Variants in PREX1 observed in about 807,000 individuals in gnomAD.
PREX1 encodes the protein phosphatidylinositol 3,4,5-trisphosphate-dependent Rac exchanger 1 protein.
A neutral mutation model predicts 198.3 loss-of-function variants in PREX1; 41 were observed. That is an observed-to-expected ratio of 0.21 (90% CI 0.16 to 0.27). The LOEUF is 0.27. PREX1 is among the 10% of genes least tolerant of loss of function. PREX1 has a pLI of 1.00. For synonymous variants in PREX1, 843 were observed against 887.2 expected, an observed-to-expected ratio of 0.95 and a Z score of 0.89; for missense variants, 1,620 against 2,200.7, an observed-to-expected ratio of 0.74 and a Z score of 5.28.
intron 13 of PREX1, among the ~76,000 whole-genome samples, chr20:48,678,360 A>G (rs2089723606): frequency 6.6e-6 from 1 of 151,934 alleles, no homozygotes; most frequent in Admixed American, 6.6e-5. Context: ...AGTCCCAGCT[A>G]CCTAGGAGGC....
chr20:48,743,901 C>T lies in PREX1; in HGVS notation c.414+1124G>A, dbSNP rs370730918. On this transcript the variant is annotated intron_variant, in intron 3 of 39. Transcript: ENST00000371941. ...CACGCCTGATCGCACATGAGACTTG[C>T]CCCCCATTGCCCTCTGAGGGCAAAG... is the stretch of plus-strand genomic sequence containing the variant. Among the ~76,000 whole-genome samples the T allele has an allele frequency of 3.9e-5, 6 of 152,136 alleles. No individual in the cohort carries two copies. In the South Asian group the frequency reaches 1.2e-3, roughly 31 times the overall value.
At chr20:48,746,534 G>A (rs2090108138) in intron 2 of PREX1, among the ~76,000 whole-genome samples, 1 of 152,268 alleles carries the variant, frequency 6.6e-6, no homozygotes, top group South Asian at 2.1e-4. Flanking sequence ...TCACTTTAAT[G>A]TAAATTTCAA....
chr20:48,733,690 C>CTGTTGTTGTTGTTGT (rs1182087284), intron 4 of PREX1, among the ~76,000 whole-genome samples: 1 of 71,020 alleles, frequency 1.4e-5, no homozygotes, highest in Non-Finnish European at 3.0e-5. Flanking sequence ...GTAAATCCCT[C>CTGTTGTTGTTGTTGT]TGTTGTTGTT....
chr20:48,645,889 G>A lies in PREX1; in HGVS notation c.3474C>T (p.Asp1158=), dbSNP rs138869885. 619 of 1,614,202 alleles carry A rather than the reference G, an allele frequency of 3.8e-4. 1 individual carries two copies. The highest frequency in any genetic ancestry group is 3.5e-3 in the Middle Eastern group (21 of 6,062). ...CFKVAEEDQE[D]SGHDTMSYRD... is the part of the protein sequence containing the mutation. ...GATAACTCATGGTGTCGTGGCCTGA[G>A]TCCTCCTGGTCCTCCTCGGCCACCT... The change falls in exon 26 of 40, where the codon GAC becomes GAT. Residue 1158 remains aspartate, a synonymous_variant. Transcript: ENST00000371941.
At chr20:48,842,881 G>A in the PREX1 span, among the ~76,000 whole-genome samples, 4 of 151,990 alleles carry the variant, frequency 2.6e-5, no homozygotes, top group East Asian at 1.9e-4. Context: ...AATGTTTCCT[G>A]AGCCACTAAT....
At chr20:48,749,115 C>A (rs2090122540) in intron 1 of PREX1, among the ~76,000 whole-genome samples, 1 of 152,112 alleles carries the variant, frequency 6.6e-6, no homozygotes, top group Admixed American at 6.5e-5. Flanking sequence ...AAAGGAGAGA[C>A]AGCAGAGTCA....
chr20:48,750,218 C>T (rs2090128084), intron 1 of PREX1, among the ~76,000 whole-genome samples: 1 of 152,158 alleles, frequency 6.6e-6, no homozygotes, highest in African/African-American at 2.4e-5. Context: ...TCCCCATCTC[C>T]ACAGCCACCA....
rs1431438438 is a variant in PREX1, at chr20:48,684,475, A to C, written c.1335-3140T>G. ...CCTGCACCTGTGCGTACAGGTGGCCAAGACACCAAGGCCCCTTCCACCTTG... is the reference window on the plus strand; with the variant it reads ...CCTGCACCTGTGCGTACAGGTGGCCCAGACACCAAGGCCCCTTCCACCTTG... On this transcript the variant is annotated intron_variant, in intron 10 of 39. Transcript: ENST00000371941. This position sits in a 1 kb window ranked among gnomAD's most constrained non-coding sequence, Gnocchi z 4.2. Among the ~76,000 whole-genome samples, 1 of 152,188 alleles carries C rather than the reference A, an allele frequency of 6.6e-6. No homozygotes were observed. Among genetic ancestry groups the C allele is most frequent in the Non-Finnish European group, 1.5e-5 (1 of 68,032 alleles).
At chr20:48,825,225 G>GTT (rs2090503508) in intron 1 of PREX1, among the ~76,000 whole-genome samples, 1 of 152,142 alleles carries the variant, frequency 6.6e-6, no homozygotes, top group Admixed American at 6.5e-5. Flanking sequence ...CACAAACAAC[G>GTT]TATGGCTGGT....
intron 1 of PREX1, among the ~76,000 whole-genome samples, chr20:48,758,826 C>G (rs1228487161): frequency 1.3e-5 from 2 of 152,168 alleles, no homozygotes; most frequent in African/African-American, 4.8e-5. Context: ...AAACGCCTAT[C>G]CCTGCTCTGT....
chr20:48,629,206 T>A (rs867384598), intron 37 of PREX1, among the ~76,000 whole-genome samples: 2 of 152,168 alleles, frequency 1.3e-5, no homozygotes, highest in South Asian at 4.1e-4. Context: ...GGCACAGCTC[T>A]CACACACACT....
upstream of PREX1, among the ~76,000 whole-genome samples, chr20:48,829,139 A>G (rs964354725): frequency 2.0e-5 from 3 of 152,188 alleles, no homozygotes; most frequent in African/African-American, 4.8e-5. Context: ...TGTTCTTACT[A>G]TTATTGCATG....
intron 39 of PREX1, among the ~76,000 whole-genome samples, chr20:48,627,204 G>T (rs971830049): frequency 2.6e-5 from 4 of 151,906 alleles, no homozygotes; most frequent in Non-Finnish European, 5.9e-5. Context: ...CAGGGTAGGG[G>T]GCACGGGGTG....
intron 10 of PREX1, among the ~76,000 whole-genome samples, chr20:48,686,433 A>C (rs2089784908): frequency 6.6e-6 from 1 of 152,196 alleles, no homozygotes; most frequent in Non-Finnish European, 1.5e-5. Context: ...GCCCCATTTC[A>C]AATGGGCAGT....
intron 1 of PREX1, among the ~76,000 whole-genome samples, chr20:48,811,808 G>C (rs1223150024): frequency 6.6e-6 from 1 of 152,146 alleles, no homozygotes; most frequent in Non-Finnish European, 1.5e-5. Flanking sequence ...AATCCCCTAG[G>C]ACAAAACATT....
chr20:48,747,173 C>T (rs1323623183), intron 2 of PREX1, among the ~76,000 whole-genome samples: 1 of 152,174 alleles, frequency 6.6e-6, no homozygotes, highest in African/African-American at 2.4e-5. Context: ...TGACCGAGTC[C>T]TTTGTGTGCT....
intron 13 of PREX1, among the ~76,000 whole-genome samples, chr20:48,677,879 G>A (rs761857435): frequency 5.3e-5 from 8 of 151,050 alleles, no homozygotes; most frequent in South Asian, 2.1e-4. Flanking sequence ...CCAGCTACTC[G>A]GGAGGCTGAT....
At chr20:48,864,427 T>C in the PREX1 span, among the ~76,000 whole-genome samples, 1 of 152,364 alleles carries the variant, frequency 6.6e-6, no homozygotes, top group South Asian at 2.1e-4. Flanking sequence ...CTAATATTTA[T>C]TGTGTGCTTT....
rs2089467627 is a variant in PREX1 at position 48,648,484 on chromosome 20, C to T, written c.3305+816G>A. ...TCCCCAACAAGGAATAATCCAGCCC[C>T]AAATGTCACCAGTGTCAAGGGTGAG... is the stretch of plus-strand genomic sequence containing the variant. On this transcript the variant is annotated intron_variant, in intron 25 of 39. Transcript: ENST00000371941. 2.0e-5 allele frequency among the ~76,000 whole-genome samples: 3 copies of T among 152,176 alleles called. No homozygotes were observed. The South Asian group carries it at 6.2e-4, about 31-fold the overall frequency.
Sources: gnomAD v4.1 joint callset for allele counts (sites outside exome capture counted in the v4.1 genomes callset) on GRCh38, gnomAD v4.1.1 for gene constraint, Gnocchi (gnomAD v3.1) non-coding constraint, MANE v1.5 for transcripts, NCBI Gene and HGNC (gene_info 2026-07-23, HGNC 2026-07-21) for gene names.